Variants in PLEKHA1 observed in about 807,000 individuals in gnomAD.
The protein encoded by PLEKHA1 is pleckstrin homology domain-containing family A member 1.
A neutral mutation model predicts 52.0 loss-of-function variants in PLEKHA1; 34 were observed. That is an observed-to-expected ratio of 0.65 (90% CI 0.50 to 0.87). The LOEUF (loss-of-function observed/expected upper bound fraction) is 0.87. Ranked by LOEUF, PLEKHA1 falls within the 40% of genes least tolerant of loss-of-function variation. The pLI, the probability that PLEKHA1 is intolerant of heterozygous loss-of-function variation, is 0.00. For missense variants in PLEKHA1, 497 were observed against 504.2 expected, an observed-to-expected ratio of 0.99 and a Z score of 0.14; for synonymous variants, 163 against 170.7, an observed-to-expected ratio of 0.95 and a Z score of 0.35.
In PLEKHA1 at chr10:122,431,754, T is replaced by C. The variant is rs2097418787; in HGVS notation, c.*1816T>C. On this transcript the variant is annotated 3_prime_UTR_variant, in exon 12 of 12. Coordinates refer to ENST00000368990, the MANE Select transcript of PLEKHA1 (RefSeq NM_001001974.4). ...AAGTTACATTAAGATTTTTTCTCTTTTGCAGCTACATTTGAAAGTGATAGA... is the reference window on the plus strand; with the variant it reads ...AAGTTACATTAAGATTTTTTCTCTTCTGCAGCTACATTTGAAAGTGATAGA... 1 of 152,642 alleles carries C rather than the reference T, an allele frequency of 6.6e-6. No homozygotes were observed. The highest frequency in any genetic ancestry group is 2.4e-5 in the African/African-American group (1 of 41,466). 9.5% of individuals were successfully genotyped at this position (152,642 alleles called of 1,614,324 possible). A position where few individuals can be genotyped will look rare whatever the true frequency, so the allele number is the denominator to read the frequency against.
At chr10:122,417,547 G>A (rs2097195626) in intron 7 of PLEKHA1, among the ~76,000 whole-genome samples, 2 of 150,930 alleles carry the variant, frequency 1.3e-5, no homozygotes, top group African/African-American at 4.9e-5. Flanking sequence ...TACTCGAGAG[G>A]CTGATGCAGG....
chr10:122,424,834 C>T (rs977009573), intron 9 of PLEKHA1, 62 bp from the exon 10 acceptor site: 79 of 1,419,488 alleles, frequency 5.6e-5, no homozygotes, highest in Non-Finnish European at 1.4e-5. Flanking sequence ...ACTGGGTAAA[C>T]AAATGAAAGA....
chr10:122,409,659 A>G (rs78355505), intron 5 of PLEKHA1, among the ~76,000 whole-genome samples: 2,063 of 152,314 alleles, frequency 0.014, 36 homozygotes, highest in African/African-American at 0.047. Flanking sequence ...ATATATTTTT[A>G]ATAGAAACTG....
intron 5 of PLEKHA1, among the ~76,000 whole-genome samples, chr10:122,407,515 A>C (rs549634505): frequency 1.3e-5 from 2 of 152,194 alleles, no homozygotes; most frequent in Non-Finnish European, 2.9e-5. Context: ...TCTGAAGTGC[A>C]GTGCCTTACT....
chr10:122,376,714 G>C (rs1303720547), intron 1 of PLEKHA1, among the ~76,000 whole-genome samples: 2 of 152,096 alleles, frequency 1.3e-5, no homozygotes. Context: ...AATTGAGTTT[G>C]TCATAGACTA....
Position 122,393,327 on chromosome 10 carries a change from A to G in PLEKHA1, c.127A>G (p.Met43Val), listed in dbSNP as rs764139833. Residue 43 changes from methionine to valine, a missense_variant, in exon 2 of 12, where the codon ATG (methionine) becomes GTG (valine). Transcript: ENST00000368990. The surrounding 1 kb of genome is among the most constrained non-coding windows in gnomAD (Gnocchi z 4.5). ...DTREDSFVWY[M>V]DNPQNLPSGS... ...CAGAGAAGATAGTTTCGTGTGGTAC[A>G]TGGATAATCCACAGGTTTGTAAAAT... 21 of 1,606,874 alleles carry G rather than the reference A, an allele frequency of 1.3e-5. No homozygotes were observed. Among genetic ancestry groups the G allele is most frequent in the Non-Finnish European group, 1.5e-5 (18 of 1,177,422 alleles).
At chr10:122,389,046 A>G (rs2133903693) in intron 1 of PLEKHA1, among the ~76,000 whole-genome samples, 1 of 152,326 alleles carries the variant, frequency 6.6e-6, no homozygotes, top group East Asian at 1.9e-4. Context: ...AACCTTGTTA[A>G]TGTTGATATT....
rs994237690 is a variant in PLEKHA1, at chr10:122,395,245, T to A, written c.141+1904T>A. The stretch of plus-strand genomic sequence containing the variant: ...ATCCAGATCTCTATGTTAGAATTAA[T>A]GCATTGGCTTTTCTGGACACAGTGC... On this transcript the variant is annotated intron_variant, in intron 2 of 11. Transcript: ENST00000368990. 9.2e-5 allele frequency among the ~76,000 whole-genome samples: 14 copies of A among 152,312 alleles called. No individual in the cohort carries two copies. In the East Asian group the frequency reaches 2.3e-3, roughly 25 times the overall value.
intron 4 of PLEKHA1, among the ~76,000 whole-genome samples, chr10:122,401,360 T>TA (rs1200617858): frequency 3.3e-5 from 5 of 152,104 alleles, no homozygotes; most frequent in Non-Finnish European, 5.9e-5. Context: ...TAGGAAAGTT[T>TA]TGATATAGGT....
chr10:122,377,811 T>G (rs2096558950), intron 1 of PLEKHA1, among the ~76,000 whole-genome samples: 1 of 152,204 alleles, frequency 6.6e-6, no homozygotes, highest in African/African-American at 2.4e-5. Context: ...TGTTTGCTAT[T>G]TATTTTAGTA....
At chr10:122,383,311 CTGTTT>C (rs966515549) in intron 1 of PLEKHA1, among the ~76,000 whole-genome samples, 4 of 119,578 alleles carry the variant, frequency 3.3e-5, no homozygotes, top group African/African-American at 1.1e-4. Flanking sequence ...TTCTTTCTTT[CTGTTT>C]TTTTTTTTTC....
chr10:122,382,303 A>G (rs2096626120), intron 1 of PLEKHA1, among the ~76,000 whole-genome samples: 1 of 152,168 alleles, frequency 6.6e-6, no homozygotes, highest in Admixed American at 6.5e-5. Context: ...TACCTAGGCA[A>G]CTAGTAATCT....
chr10:122,403,794 C>T (rs972106509), intron 4 of PLEKHA1, among the ~76,000 whole-genome samples: 1 of 151,970 alleles, frequency 6.6e-6, no homozygotes, highest in Non-Finnish European at 1.5e-5. Flanking sequence ...TGGGTTCAAG[C>T]GATTCTCCTG....
chr10:122,390,360 T>C (rs1275050454), intron 1 of PLEKHA1, among the ~76,000 whole-genome samples: 1 of 152,262 alleles, frequency 6.6e-6, no homozygotes, highest in Non-Finnish European at 1.5e-5. Flanking sequence ...TTTAATTTCC[T>C]TCAGGAACTT....
chr10:122,434,577 T>C (rs2097431367), downstream of PLEKHA1: 1 of 152,088 alleles, frequency 6.6e-6, no homozygotes, highest in African/African-American at 2.4e-5. Flanking sequence ...TGAAAAGTAT[T>C]TTTTTTATTA....
the PLEKHA1 span, chr10:122,438,951 C>A: frequency 6.6e-6 from 1 of 152,184 alleles, no homozygotes; most frequent in Non-Finnish European, 1.5e-5. Flanking sequence ...CAAAGCCGTC[C>A]TGGGCCACAT....
chr10:122,435,077 CT>C (rs1230539937), downstream of PLEKHA1: 3 of 152,106 alleles, frequency 2.0e-5, no homozygotes, highest in Admixed American at 6.5e-5. Flanking sequence ...CCTTTCTTAG[CT>C]TTTCTTTCAC....
intron 4 of PLEKHA1, among the ~76,000 whole-genome samples, chr10:122,404,728 A>T (rs974349580): frequency 6.6e-6 from 1 of 152,212 alleles, no homozygotes; most frequent in African/African-American, 2.4e-5. Context: ...CAGTGTGTTA[A>T]ATTTCTTTTA....
At chr10:122,428,121 G>A (rs1590965842) in intron 11 of PLEKHA1, among the ~76,000 whole-genome samples, 1 of 152,156 alleles carries the variant, frequency 6.6e-6, no homozygotes. Flanking sequence ...AGTGTCTGTT[G>A]GGAAGAGGAA....
Sources: gnomAD v4.1 joint callset for allele counts (sites outside exome capture counted in the v4.1 genomes callset) on GRCh38, gnomAD v4.1.1 for gene constraint, Gnocchi (gnomAD v3.1) non-coding constraint, MANE v1.5 for transcripts, NCBI Gene and HGNC (gene_info 2026-07-23, HGNC 2026-07-21) for gene names.